The following MRPS27 variants were observed in gnomAD, a reference collection of about 807,000 sequenced individuals.
The protein encoded by MRPS27 is small ribosomal subunit protein mS27.
In MRPS27, 43 loss-of-function variants were observed where a neutral mutation model predicts 48.9. The ratio of observed to expected loss-of-function variants is 0.88; its 90% confidence interval spans 0.69 to 1.13. The LOEUF (loss-of-function observed/expected upper bound fraction) is 1.13, where lower values mean the gene tolerates loss of function less well. Ranked by LOEUF, MRPS27 falls within the 50% of genes most tolerant of loss-of-function variation. MRPS27 has a pLI of 0.00. For missense variants in MRPS27, 467 were observed against 476.3 expected (o/e 0.98, Z 0.18); for synonymous variants, 188 against 171.9 (o/e 1.09, Z -0.73).
chr5:72,262,805 C>G (rs1749018248), intron 4 of MRPS27, among the ~76,000 whole-genome samples: 1 of 151,936 alleles, frequency 6.6e-6, no homozygotes. Flanking sequence ...GGGTCTTGCT[C>G]TGTCCCTGAG....
chr5:72,292,760 C>T (rs1219858954), intron 4 of MRPS27, among the ~76,000 whole-genome samples: 1 of 152,148 alleles, frequency 6.6e-6, no homozygotes, highest in Non-Finnish European at 1.5e-5. Flanking sequence ...GCTAGCAGAG[C>T]CTGGTGTTCA....
At chr5:72,298,789 T>C (rs912000186) in intron 2 of MRPS27, among the ~76,000 whole-genome samples, 43 of 112,436 alleles carry the variant, frequency 3.8e-4, no homozygotes, top group Non-Finnish European at 4.0e-4. Flanking sequence ...ATACCGAAAA[T>C]AAAATAAAAC....
chr5:72,297,542 A>AT, intron 3 of MRPS27, 90 bp downstream of exon 3: 1 of 751,146 alleles, frequency 1.3e-6, no homozygotes, highest in South Asian at 1.9e-5. Flanking sequence ...TATGCAAACT[A>AT]TTTTTTATTT....
intron 9 of MRPS27, among the ~76,000 whole-genome samples, chr5:72,225,571 C>A (rs1173075527): frequency 6.6e-6 from 1 of 152,018 alleles, no homozygotes; most frequent in Non-Finnish European, 1.5e-5. Flanking sequence ...CACCTTAGAA[C>A]TTTGAAAGAA....
In MRPS27 at chr5:72,319,180, A is replaced by G. The variant is rs555766729; in HGVS notation, c.73+969T>C. Among the ~76,000 whole-genome samples, 358 of 152,376 alleles carry G rather than the reference A, an allele frequency of 2.3e-3. 1 individual carries two copies. Among genetic ancestry groups the G allele is most frequent in the African/African-American group, 8.3e-3 (346 of 41,586 alleles). On this transcript the variant is annotated intron_variant, in intron 1 of 10. Coordinates refer to ENST00000261413, the MANE Select transcript of MRPS27 (RefSeq NM_015084.3). ...CTGTCTGGATTATGTGGTTAGAATC[A>G]CTGCAAATTTGGCTTCTATAAATAC...
chr5:72,242,411 TAA>T (rs890255738), intron 4 of MRPS27, among the ~76,000 whole-genome samples: 6 of 105,994 alleles, frequency 5.7e-5, no homozygotes, highest in African/African-American at 2.4e-4. Context: ...AGAGGTTATA[TAA>T]AAGAGATCAA....
At chr5:72,303,861 C>T (rs1291519200) in intron 2 of MRPS27, among the ~76,000 whole-genome samples, 1 of 94,226 alleles carries the variant, frequency 1.1e-5, no homozygotes. Flanking sequence ...CCAGTGTGGG[C>T]AACACAGCAA....
chr5:72,222,770 C>G (rs1167563680), intron 10 of MRPS27, among the ~76,000 whole-genome samples: 1 of 152,166 alleles, frequency 6.6e-6, no homozygotes, highest in Non-Finnish European at 1.5e-5. Context: ...CTTTCTTTCT[C>G]AGTTTCAAAT....
intron 5 of MRPS27, among the ~76,000 whole-genome samples, chr5:72,236,461 T>A (rs1324171846): frequency 1.3e-5 from 2 of 152,150 alleles, no homozygotes; most frequent in African/African-American, 4.8e-5. Context: ...ACTAAAAGAC[T>A]CAAGAAGCAG....
chr5:72,304,383 A>G (rs150037949), intron 2 of MRPS27, among the ~76,000 whole-genome samples: 2,029 of 152,332 alleles, frequency 0.013, 44 homozygotes, highest in African/African-American at 0.046. Flanking sequence ...ATGTAAATAG[A>G]CGAAATTTTC....
chr5:72,220,776 G>T lies in MRPS27; in HGVS notation c.*133C>A. On this transcript the variant is annotated 3_prime_UTR_variant, in exon 11 of 11. Transcript: ENST00000261413. ...ATGGGCAGTCATGGTGCCTTGCCAT[G>T]TAGGGCACATAGCCTGCTTTAAGAA... 7.6e-7 allele frequency: 1 copy of T among 1,317,058 alleles called. No individual in the cohort carries two copies. Among genetic ancestry groups the T allele is most frequent in the South Asian group, 1.4e-5 (1 of 70,668 alleles). 81.6% of individuals were successfully genotyped at this position (1,317,058 alleles called of 1,614,324 possible). A position where few individuals can be genotyped will look rare whatever the true frequency, so the allele number is the denominator to read the frequency against.
intron 4 of MRPS27, among the ~76,000 whole-genome samples, chr5:72,268,568 T>C (rs1265898740): frequency 6.6e-6 from 1 of 152,200 alleles, no homozygotes; most frequent in Non-Finnish European, 1.5e-5. Context: ...AATTGAGTGA[T>C]AATGGGAAAT....
intron 1 of MRPS27, among the ~76,000 whole-genome samples, chr5:72,317,797 C>T (rs1156415025): frequency 2.6e-5 from 4 of 152,176 alleles, no homozygotes; most frequent in African/African-American, 9.7e-5. Flanking sequence ...AAGCAATTCT[C>T]CTGCCCCAGG....
chr5:72,258,308 T>G (rs778190411), intron 4 of MRPS27, among the ~76,000 whole-genome samples: 18 of 152,182 alleles, frequency 1.2e-4, no homozygotes, highest in Non-Finnish European at 2.5e-4. Flanking sequence ...GTCTACCATG[T>G]TCTCTGATTT....
In MRPS27 at chr5:72,223,708, A is replaced by C. The variant is rs779270735; in HGVS notation, c.980T>G (p.Leu327Arg). ...LDIEETEQSK[L>R]PQYLERFKAL... ...CTTAAATCGTTCCAGGTATTGAGGA[A>C]GCTTGGACTGCTCTGTTTCCTCGAT... The change falls in exon 10 of 11, where the codon CTT becomes CGT. Residue 327 changes from leucine to arginine, a missense_variant. Physicochemically the swap from Leu to Arg is moderately radical, Grantham distance 102. Transcript: ENST00000261413. 6.2e-7 allele frequency: 1 copy of C among 1,614,002 alleles called. No individual in the cohort carries two copies. The highest frequency in any genetic ancestry group is 2.2e-5 in the East Asian group (1 of 44,874).
chr5:72,243,840 G>A (rs958690908), intron 4 of MRPS27, among the ~76,000 whole-genome samples: 2 of 152,274 alleles, frequency 1.3e-5, no homozygotes, highest in Non-Finnish European at 2.9e-5. Flanking sequence ...AAATTCATAC[G>A]TTCAGTTTAC....
At chr5:72,255,558 G>A (rs1266465386) in intron 4 of MRPS27, among the ~76,000 whole-genome samples, 2 of 152,082 alleles carry the variant, frequency 1.3e-5, no homozygotes, top group Non-Finnish European at 2.9e-5. Flanking sequence ...ACATATAGAT[G>A]ACATATTCAA....
At chr5:72,221,473 T>A (rs563193936) in intron 10 of MRPS27, among the ~76,000 whole-genome samples, 37 of 152,326 alleles carry the variant, frequency 2.4e-4, no homozygotes, top group African/African-American at 8.4e-4. Flanking sequence ...AAACAGTAAA[T>A]GGAACTCCAT....
intron 4 of MRPS27, among the ~76,000 whole-genome samples, chr5:72,261,961 C>T (rs944175315): frequency 6.6e-6 from 1 of 152,174 alleles, no homozygotes; most frequent in African/African-American, 2.4e-5. Flanking sequence ...CTGCCAAGAG[C>T]AGGTATCAAC....
Sources: gnomAD v4.1 joint callset for allele counts (sites outside exome capture counted in the v4.1 genomes callset) on GRCh38, gnomAD v4.1.1 for gene constraint, MANE v1.5 for transcripts, NCBI Gene and HGNC (gene_info 2026-07-23, HGNC 2026-07-21) for gene names.